Variants in RABGAP1L observed in about 807,000 individuals in gnomAD.
RABGAP1L encodes the protein RAB GTPase activating protein 1 like.
A neutral mutation model predicts 137.7 loss-of-function variants in RABGAP1L; 63 were observed. The observed-to-expected ratio is 0.46, with a 90% confidence interval of 0.37 to 0.56. The LOEUF (loss-of-function observed/expected upper bound fraction) is 0.56. Among genes scored for constraint, RABGAP1L ranks in the 20% least tolerant of loss-of-function variants. The pLI is 0.00. For missense variants in RABGAP1L, 1,095 were observed against 1,244.0 expected (o/e 0.88, Z 1.80); for synonymous variants, 431 against 433.7 (o/e 0.99, Z 0.08).
At chr1:174,794,360 G>C (rs1485766371) in intron 18 of RABGAP1L, among the ~76,000 whole-genome samples, 2 of 152,122 alleles carry the variant, frequency 1.3e-5, no homozygotes, top group Non-Finnish European at 1.5e-5. Flanking sequence ...CCCTAACCCA[G>C]ATAAACGCAA....
chr1:174,868,734 C>A (rs1651704561), intron 19 of RABGAP1L, among the ~76,000 whole-genome samples: 1 of 151,974 alleles, frequency 6.6e-6, no homozygotes, highest in Non-Finnish European at 1.5e-5. Context: ...TGATTAAATT[C>A]TGTTTGCATT....
At chr1:174,355,473 G>C (rs947814444) in intron 11 of RABGAP1L, among the ~76,000 whole-genome samples, 1 of 128,970 alleles carries the variant, frequency 7.8e-6, no homozygotes, top group African/African-American at 3.4e-5. Flanking sequence ...TGGGGTGGGG[G>C]GAGTGGGGAG....
intron 19 of RABGAP1L, among the ~76,000 whole-genome samples, chr1:174,823,213 A>C (rs769143228): frequency 1.1e-4 from 16 of 152,166 alleles, no homozygotes; most frequent in Non-Finnish European, 2.4e-4. Context: ...TCAAAACCTA[A>C]TGATTATGCT....
At chr1:174,252,276 A>C (rs1293701648) in intron 6 of RABGAP1L, among the ~76,000 whole-genome samples, 2 of 152,206 alleles carry the variant, frequency 1.3e-5, no homozygotes, top group Non-Finnish European at 2.9e-5. Context: ...TTTAGAAATT[A>C]ATAATGACTG....
intron 18 of RABGAP1L, among the ~76,000 whole-genome samples, chr1:174,789,224 A>G (rs887379079): frequency 1.3e-5 from 2 of 152,310 alleles, no homozygotes; most frequent in East Asian, 1.9e-4. Context: ...GCTAGTCTTT[A>G]TGATGGTTAT....
chr1:174,348,217 C>A (rs752049171), intron 11 of RABGAP1L, among the ~76,000 whole-genome samples: 5 of 150,320 alleles, frequency 3.3e-5, no homozygotes, highest in Non-Finnish European at 7.4e-5. Flanking sequence ...ATCTTATAAC[C>A]CACTATTTTA....
intron 11 of RABGAP1L, among the ~76,000 whole-genome samples, chr1:174,355,355 TCGC>T (rs1683537987): frequency 6.6e-6 from 1 of 150,646 alleles, no homozygotes; most frequent in Non-Finnish European, 1.5e-5. Flanking sequence ...CAGCAAACTA[TCGC>T]AAGGACAAAA....
chr1:174,173,131 A>ATT (rs771261221), intron 1 of RABGAP1L, among the ~76,000 whole-genome samples: 1 of 140,750 alleles, frequency 7.1e-6, no homozygotes, highest in Non-Finnish European at 1.6e-5. Flanking sequence ...AGTTAAAAAG[A>ATT]TTTTTTTTTT....
At chr1:174,882,466 T>G (rs1408239459) in intron 19 of RABGAP1L, among the ~76,000 whole-genome samples, 1 of 152,118 alleles carries the variant, frequency 6.6e-6, no homozygotes, top group Non-Finnish European at 1.5e-5. Flanking sequence ...TGAAAGAAAA[T>G]TTGACTAAAC....
chr1:174,584,743 C>A (rs1668989969), intron 13 of RABGAP1L, among the ~76,000 whole-genome samples: 2 of 152,124 alleles, frequency 1.3e-5, no homozygotes, highest in Non-Finnish European at 2.9e-5. Flanking sequence ...GGCCAATAAA[C>A]TTAACACTCT....
intron 14 of RABGAP1L, among the ~76,000 whole-genome samples, chr1:174,680,353 C>G (rs555707829): frequency 1.3e-5 from 2 of 152,180 alleles, no homozygotes; most frequent in Non-Finnish European, 2.9e-5. Context: ...TCTTGTTTGC[C>G]CCTTCCACTA....
intron 13 of RABGAP1L, among the ~76,000 whole-genome samples, chr1:174,596,091 A>G (rs975632914): frequency 2.4e-5 from 3 of 127,390 alleles, no homozygotes; most frequent in East Asian, 2.2e-4. Context: ...GAAAAGCGCA[A>G]TATTCGGGTG....
chr1:174,682,260 GA>G lies in RABGAP1L; in HGVS notation c.1825-1261del, dbSNP rs1678119086. Among the ~76,000 whole-genome samples the G allele has an allele frequency of 2.0e-5, 3 of 150,190 alleles. No individual in the cohort carries two copies. In the South Asian group the frequency reaches 6.3e-4, roughly 32 times the overall value. Reference sequence around the variant, plus strand: ...CGTGCCATTGCACTCCAGCCTGGGAGACAAAGCAAAACTCTCTCTCTCTCTC... The same window carrying G: ...CGTGCCATTGCACTCCAGCCTGGGAGCAAAGCAAAACTCTCTCTCTCTCTC... On this transcript the variant is annotated intron_variant, in intron 14 of 25. Coordinates refer to ENST00000681986, the MANE Select transcript of RABGAP1L (RefSeq NM_001366446.1).
intron 11 of RABGAP1L, among the ~76,000 whole-genome samples, chr1:174,340,251 GA>G (rs1185713318): frequency 6.6e-6 from 1 of 152,154 alleles, no homozygotes; most frequent in Admixed American, 6.6e-5. Flanking sequence ...GAGAAGTTAA[GA>G]AATTAGTTCT....
At chr1:174,957,634 C>A in intron 20 of RABGAP1L, 85 bp downstream of exon 20, 1 of 1,215,304 alleles carries the variant, frequency 8.2e-7, no homozygotes, top group Non-Finnish European at 1.2e-6. Context: ...CCAGGCTGGT[C>A]TTGAACACCT....
In RABGAP1L at chr1:174,988,623, C is replaced by G. The variant is rs1201605379; in HGVS notation, c.2806-18C>G. The G allele has an allele frequency of 6.8e-7, 1 of 1,478,774 alleles. No individual in the cohort carries two copies. The highest frequency in any genetic ancestry group is 1.4e-5 in the South Asian group (1 of 72,458). The allele number at this position is 1,478,774 out of a possible 1,614,324, so 91.6% of individuals were successfully genotyped here. On this transcript the variant is annotated intron_variant, in intron 24 of 25. Transcript: ENST00000681986. Reference sequence around the variant, plus strand: ...TATGGAATAGTTTGATGTTGGTTATCTCTTTTGGATACTTTAGGGTAAGAT... The same window carrying G: ...TATGGAATAGTTTGATGTTGGTTATGTCTTTTGGATACTTTAGGGTAAGAT...
At chr1:174,712,512 G>C (rs937317240) in intron 17 of RABGAP1L, among the ~76,000 whole-genome samples, 1 of 152,096 alleles carries the variant, frequency 6.6e-6, no homozygotes, top group Non-Finnish European at 1.5e-5. Flanking sequence ...AGAAACTCCA[G>C]ACACATCTGA....
At chr1:174,469,380 A>G (rs1657651837) in intron 13 of RABGAP1L, among the ~76,000 whole-genome samples, 1 of 152,186 alleles carries the variant, frequency 6.6e-6, no homozygotes, top group African/African-American at 2.4e-5. Context: ...CCTTTAAGCC[A>G]CTAATCCAAC....
At chr1:174,196,324 C>T (rs531709930) in intron 1 of RABGAP1L, among the ~76,000 whole-genome samples, 6 of 149,952 alleles carry the variant, frequency 4.0e-5, no homozygotes, top group Admixed American at 2.0e-4. Context: ...CCTGGGTTCA[C>T]GCCATTCTCC....
Sources: gnomAD v4.1 joint callset for allele counts (sites outside exome capture counted in the v4.1 genomes callset) on GRCh38, gnomAD v4.1.1 for gene constraint, MANE v1.5 for transcripts, NCBI Gene and HGNC (gene_info 2026-07-23, HGNC 2026-07-21) for gene names.